The following ALS2 variants were observed in gnomAD, a reference collection of about 807,000 sequenced individuals.
The protein encoded by ALS2 is alsin Rho guanine nucleotide exchange factor ALS2, also known as alsin.
In ALS2, 117 loss-of-function variants were observed where a neutral mutation model predicts 203.4. That is an observed-to-expected ratio of 0.58 (90% CI 0.50 to 0.67). The LOEUF (loss-of-function observed/expected upper bound fraction) is 0.67. Ranked by LOEUF, ALS2 falls within the 30% of genes least tolerant of loss-of-function variation. The pLI, the probability that ALS2 is intolerant of heterozygous loss-of-function variation, is 0.00. For missense variants in ALS2, 1,715 were observed against 1,989.4 expected, an observed-to-expected ratio of 0.86 and a Z score of 2.62; for synonymous variants, 718 against 725.9, an observed-to-expected ratio of 0.99 and a Z score of 0.17.
At chr2:201,741,215 T>A (rs1437173069) in intron 11 of ALS2, 1 of 153,440 alleles carries the variant, frequency 6.5e-6, no homozygotes, top group African/African-American at 2.4e-5. Context: ...AGGAAAAACA[T>A]CTTCATGTTA....
At chr2:201,711,617 A>T (rs1690028768) in intron 25 of ALS2, among the ~76,000 whole-genome samples, 1 of 152,218 alleles carries the variant, frequency 6.6e-6, no homozygotes, top group African/African-American at 2.4e-5. Flanking sequence ...TGACACTCCA[A>T]CAGGTGACAA....
At chr2:201,737,910 AG>A (rs1691987798) in intron 12 of ALS2, among the ~76,000 whole-genome samples, 1 of 151,870 alleles carries the variant, frequency 6.6e-6, no homozygotes, top group African/African-American at 2.4e-5. Context: ...TGACAGAGCG[AG>A]ACCCCGTCTC....
chr2:201,746,576 G>A lies in ALS2; in HGVS notation c.1988C>T (p.Ser663Phe), dbSNP rs1410762746. 9.3e-6 allele frequency: 15 copies of A among 1,614,010 alleles called. No individual in the cohort carries two copies. The highest frequency in any genetic ancestry group is 1.2e-5 in the Non-Finnish European group (14 of 1,180,004). The change falls in exon 9 of 34, where the codon TCC (serine) becomes TTC (phenylalanine). Residue 663 changes from serine to phenylalanine, a missense_variant. Physicochemically the swap from Ser to Phe is radical, Grantham distance 155. Around this residue, in one of 3 missense-constraint regions of ALS2, gnomAD observed 1,227 missense variants for 1,413.5 expected, o/e 0.87. Transcript: ENST00000264276. ...CCAATTCCTGTTCACCTTACTACAG[G>A]AGAGAAGTACTGGAGTCTTAGAACC... Reference protein sequence around the residue: ...HSGSKTPVLLSCSKLGYISRV... With the variant: ...HSGSKTPVLLFCSKLGYISRV...
intron 3 of ALS2, among the ~76,000 whole-genome samples, chr2:201,762,521 T>G (rs182633430): frequency 6.6e-6 from 1 of 152,360 alleles, no homozygotes; most frequent in Non-Finnish European, 1.5e-5. Flanking sequence ...TTATGCTTAC[T>G]GACTGAGCAT....
Position 201,767,522 on chromosome 2 carries a change from C to G in ALS2, c.21-139G>C, listed in dbSNP as rs1694150821. ...TAGCTGAATTAGCACCTATTTTATG[C>G]TTTGGTTATGCTCACAGAAGCCAAG... On this transcript the variant is annotated intron_variant, in intron 2 of 33. Coordinates refer to ENST00000264276, the MANE Select transcript of ALS2 (RefSeq NM_020919.4). 1.1e-5 allele frequency: 11 copies of G among 960,332 alleles called. No homozygotes were observed. The South Asian group carries it at 1.6e-4, about 14-fold the overall frequency. The allele number at this position is 960,332 out of a possible 1,614,324, so 59.5% of individuals were successfully genotyped here. A position where few individuals can be genotyped will look rare whatever the true frequency, so the allele number is the denominator to read the frequency against.
chr2:201,768,386 T>C (rs1559090026), intron 2 of ALS2, among the ~76,000 whole-genome samples: 1 of 152,220 alleles, frequency 6.6e-6, no homozygotes, highest in Admixed American at 6.5e-5. Context: ...TTTTCTTTTT[T>C]CTAGAACGCT....
chr2:201,726,404 G>C, intron 19 of ALS2, 80 bp downstream of exon 19: 2 of 1,241,034 alleles, frequency 1.6e-6, no homozygotes, highest in South Asian at 2.4e-5. Flanking sequence ...TGTTTGAAAA[G>C]CAGCTCTGCA....
chr2:201,711,155 C>G (rs1553501849), intron 25 of ALS2, 47 bp from the exon 26 acceptor site: 2 of 1,173,764 alleles, frequency 1.7e-6, no homozygotes, highest in Admixed American at 3.4e-5. Flanking sequence ...ATCAAGAAAG[C>G]AAGATACGTG....
At chr2:201,766,838 AAGGAG>A in intron 3 of ALS2, among the ~76,000 whole-genome samples, 1 of 149,546 alleles carries the variant, frequency 6.7e-6, no homozygotes. Context: ...AAACTATCGC[AAGGAG>A]AAAAAAACAA....
At chr2:201,722,846 G>A in intron 23 of ALS2, 197 bp downstream of exon 23, 1 of 582,646 alleles carries the variant, frequency 1.7e-6, no homozygotes, top group Non-Finnish European at 3.0e-6. Flanking sequence ...ATGAGCAGAA[G>A]GGATTTTCTT....
intron 1 of ALS2, among the ~76,000 whole-genome samples, chr2:201,773,548 T>C (rs1327004665): frequency 6.6e-6 from 1 of 152,126 alleles, no homozygotes. Flanking sequence ...AAGATAAGAT[T>C]CTGGTAGGAT....
At chr2:201,731,228 G>C (rs1276202794) in intron 13 of ALS2, among the ~76,000 whole-genome samples, 2 of 151,118 alleles carry the variant, frequency 1.3e-5, no homozygotes, top group Non-Finnish European at 2.9e-5. Flanking sequence ...AAAACATTCT[G>C]CTAGAGTGCT....
At chr2:201,777,057 T>C (rs895399460) in intron 1 of ALS2, among the ~76,000 whole-genome samples, 1 of 152,202 alleles carries the variant, frequency 6.6e-6, no homozygotes, top group African/African-American at 2.4e-5. Flanking sequence ...TAATAAAATG[T>C]AACCAAGTTA....
At chr2:201,704,999 T>C in intron 31 of ALS2, 140 bp downstream of exon 31, 1 of 887,228 alleles carries the variant, frequency 1.1e-6, no homozygotes, top group East Asian at 2.6e-5. Context: ...TGATTTCTGA[T>C]TTCCAGATTG....
intron 22 of ALS2, 58 bp from the exon 23 acceptor site, chr2:201,723,178 T>C: frequency 6.8e-7 from 1 of 1,464,412 alleles, no homozygotes; most frequent in Non-Finnish European, 9.6e-7. Flanking sequence ...AACTTAAGAG[T>C]GCACGCAGTC....
chr2:201,726,417 C>T, intron 19 of ALS2, 67 bp downstream of exon 19: 1 of 1,388,534 alleles, frequency 7.2e-7, no homozygotes, highest in Non-Finnish European at 1.0e-6. Flanking sequence ...GCTCTGCATA[C>T]AAAATAACAT....
Position 201,761,843 on chromosome 2 carries a change from G to T in ALS2, c.176-25C>A, listed in dbSNP as rs538992209. The T allele has an allele frequency of 1.0e-5, 15 of 1,483,414 alleles. No homozygotes were observed. In the South Asian group the frequency reaches 1.8e-4, roughly 18 times the overall value. 91.9% of individuals were successfully genotyped at this position (1,483,414 alleles called of 1,614,324 possible). A position where few individuals can be genotyped will look rare whatever the true frequency, so the allele number is the denominator to read the frequency against. ...TCTGAAGGTTAAAAAAAAGAAAAAA[G>T]AAAAAAAAAAGGGTTAGTGAATTAA... On this transcript the variant is annotated intron_variant, in intron 3 of 33. Transcript: ENST00000264276.
rs41308836 is a variant in ALS2, at chr2:201,727,238, G to A, written c.2953C>T (p.Leu985Phe). The change falls in exon 17 of 34, where the codon CTC becomes TTC. Residue 985 changes from leucine to phenylalanine, a missense_variant. By Grantham distance (22) the Leu-to-Phe change is conservative. Transcript: ENST00000264276. ...TTTTCCTGGGGTGTAGATGAAATGA[G>A]AGTGAACTGCTCCTCAGGTGTAGTT... ...KITTPEEQFTLISSTPQEKTK... is the reference protein window; with the variant it reads ...KITTPEEQFTFISSTPQEKTK... 1.4e-4 allele frequency: 220 copies of A among 1,613,848 alleles called. 2 individuals are homozygous for A. In the East Asian group the frequency reaches 4.9e-3, roughly 36 times the overall value.
chr2:201,756,756 T>C (rs550641780), intron 5 of ALS2, among the ~76,000 whole-genome samples: 94 of 152,334 alleles, frequency 6.2e-4, no homozygotes, highest in Middle Eastern at 3.4e-3. Context: ...TCTCAGACTT[T>C]AGTGTGCATA....
Sources: allele counts gnomAD v4.1 joint callset (sites outside exome capture counted in the v4.1 genomes callset), GRCh38; gene constraint gnomAD v4.1.1; regional missense constraint gnomAD v4.1.1; transcripts MANE v1.5; gene names NCBI Gene and HGNC (gene_info 2026-07-23, HGNC 2026-07-21).